MTIF2: variants seen among roughly 807,000 people sequenced by gnomAD.
The protein encoded by MTIF2 is translation initiation factor IF-2, mitochondrial.
MTIF2 carries 71 observed loss-of-function variants against 83.5 expected under a neutral mutation model. The observed-to-expected ratio is 0.85, with a 90% CI of 0.70 to 1.04. MTIF2 has a LOEUF of 1.04. Ranked by LOEUF, MTIF2 falls within the 50% of genes least tolerant of loss-of-function variation. The pLI, the probability that MTIF2 is intolerant of heterozygous loss-of-function variation, is 0.00. For missense variants in MTIF2, 957 were observed against 846.5 expected (o/e 1.13, Z -1.62); for synonymous variants, 319 against 287.1 (o/e 1.11, Z -1.12).
intron 7 of MTIF2, among the ~76,000 whole-genome samples, chr2:55,253,503 ACCCCGTCTC>A (rs1677261227): frequency 6.6e-6 from 1 of 151,794 alleles, no homozygotes; most frequent in Non-Finnish European, 1.5e-5. Flanking sequence ...ACATGGCAAA[ACCCCGTCTC>A]TACTAAAAAT....
chr2:55,247,161 CA>C (rs1676758927), intron 9 of MTIF2, among the ~76,000 whole-genome samples: 1 of 152,180 alleles, frequency 6.6e-6, no homozygotes, highest in Non-Finnish European at 1.5e-5. Flanking sequence ...TCCAAGATCA[CA>C]CAGCTGATTA....
At chr2:55,268,240 G>A (rs1443260299) in intron 2 of MTIF2, among the ~76,000 whole-genome samples, 5 of 151,322 alleles carry the variant, frequency 3.3e-5, no homozygotes, top group Admixed American at 3.3e-4. Flanking sequence ...GCGACAGTGA[G>A]ACTCTGTCTA....
chr2:55,259,469 G>T, intron 5 of MTIF2, among the ~76,000 whole-genome samples: 1 of 147,436 alleles, frequency 6.8e-6, no homozygotes, highest in Non-Finnish European at 1.5e-5. Flanking sequence ...ATGGTTATGG[G>T]TTCCTCTATG....
At chr2:55,266,850 C>G (rs1678474414) in intron 3 of MTIF2, among the ~76,000 whole-genome samples, 1 of 150,026 alleles carries the variant, frequency 6.7e-6, no homozygotes, top group African/African-American at 2.5e-5. Context: ...CCACTGCAAC[C>G]TCTGCCTCCT....
intron 3 of MTIF2, 79 bp from the exon 4 acceptor site, chr2:55,263,944 G>A: frequency 9.5e-7 from 1 of 1,054,264 alleles, no homozygotes; most frequent in African/African-American, 1.6e-5. Flanking sequence ...TATATGCATA[G>A]CACTGGACTA....
chr2:55,261,127 C>CA (rs1677947491), intron 5 of MTIF2, among the ~76,000 whole-genome samples: 1 of 151,570 alleles, frequency 6.6e-6, no homozygotes, highest in South Asian at 2.1e-4. Context: ...GCTGGGACTA[C>CA]AGGCGCCCGC....
At chr2:55,255,874 A>T (rs1327193159) in intron 5 of MTIF2, among the ~76,000 whole-genome samples, 2 of 151,230 alleles carry the variant, frequency 1.3e-5, no homozygotes, top group Non-Finnish European at 3.0e-5. Flanking sequence ...CTGAGTACTG[A>T]TTTTTTTCTC....
In MTIF2 at chr2:55,244,026, C is replaced by G; in HGVS notation, c.1311+3G>C. On this transcript the variant is annotated splice_donor_region_variant and intron_variant, in intron 11 of 15. Coordinates refer to ENST00000263629, the MANE Select transcript of MTIF2 (RefSeq NM_002453.3). Reference sequence around the variant, plus strand: ...TAATATATAGGAATTAAGCTTGATACACCTCAGATTCTACTTCAAGAATTT... The same window carrying G: ...TAATATATAGGAATTAAGCTTGATAGACCTCAGATTCTACTTCAAGAATTT... The G allele has an allele frequency of 6.2e-7, 1 of 1,610,944 alleles. No individual in the cohort carries two copies. The highest frequency in any genetic ancestry group is 8.5e-7 in the Non-Finnish European group (1 of 1,177,762).
intron 1 of MTIF2, 109 bp downstream of exon 1, chr2:55,269,060 A>G (rs1678646197): frequency 6.6e-6 from 1 of 152,260 alleles, no homozygotes; most frequent in African/African-American, 2.4e-5. Context: ...CGAACGCACA[A>G]TGTTTATGAA....
chr2:55,252,157 T>C (rs1025888438), intron 8 of MTIF2, among the ~76,000 whole-genome samples: 2 of 152,188 alleles, frequency 1.3e-5, no homozygotes, highest in African/African-American at 2.4e-5. Context: ...ATTTATGTGA[T>C]GGATAGATCG....
At chr2:55,246,562 T>C (rs542293491) in intron 9 of MTIF2, 101 bp from the exon 10 acceptor site, 3 of 956,938 alleles carry the variant, frequency 3.1e-6, no homozygotes, top group Non-Finnish European at 4.7e-6. Flanking sequence ...AGTTATATTA[T>C]ACTTTTCTCT....
In MTIF2 at chr2:55,249,387, G is replaced by A. The variant is rs377620597; in HGVS notation, c.981+8C>T. 1.5e-5 allele frequency: 25 copies of A among 1,613,132 alleles called. No homozygotes were observed. Among genetic ancestry groups the A allele is most frequent in the Admixed American group, 6.7e-5 (4 of 59,884 alleles). On this transcript the variant is annotated splice_region_variant and intron_variant, in intron 9 of 15. Coordinates refer to ENST00000263629, the MANE Select transcript of MTIF2 (RefSeq NM_002453.3). The stretch of plus-strand genomic sequence containing the variant: ...CCAGGCATATTTATATGAGGTCCCC[G>A]CATTTACCGTAAGTGCGGAGACAGG...
chr2:55,239,173 A>C (rs1676114102), intron 14 of MTIF2, among the ~76,000 whole-genome samples: 2 of 152,238 alleles, frequency 1.3e-5, no homozygotes, highest in South Asian at 4.1e-4. Flanking sequence ...ACAACGGACA[A>C]AATGTGAATA....
intron 3 of MTIF2, among the ~76,000 whole-genome samples, chr2:55,265,049 C>A (rs578035475): frequency 4.1e-4 from 62 of 151,972 alleles, no homozygotes; most frequent in African/African-American, 1.4e-3. Flanking sequence ...TCGAGACTAG[C>A]CTGGCCAACG....
intron 10 of MTIF2, among the ~76,000 whole-genome samples, chr2:55,245,230 C>T (rs529016683): frequency 6.6e-6 from 1 of 151,610 alleles, no homozygotes; most frequent in South Asian, 2.1e-4. Context: ...AAAATTGAAA[C>T]ACAAAACAGT....
At chr2:55,261,841 G>C (rs1678018585) in intron 5 of MTIF2, among the ~76,000 whole-genome samples, 1 of 151,118 alleles carries the variant, frequency 6.6e-6, no homozygotes, top group South Asian at 2.1e-4. Context: ...AGGAGGCTGA[G>C]GCTGAACGAT....
In MTIF2 at chr2:55,246,433, G is replaced by T. The variant is rs1372077950; in HGVS notation, c.1010C>A (p.Ala337Glu). ...TGDNLMALAE[A>E]TVALAEMLEL... ...TAACATTTCTGCAAGAGCAACTGTT[G>T]CTTCTGCCAAAGCCATCAGATTATC... Residue 337 changes from alanine (A) to glutamate (E), a missense_variant, in exon 10 of 16, where the codon GCA (alanine) becomes GAA (glutamate). Transcript: ENST00000263629. The T allele has an allele frequency of 6.2e-7, 1 of 1,613,604 alleles. No homozygotes were observed.
intron 13 of MTIF2, among the ~76,000 whole-genome samples, chr2:55,241,157 C>T (rs2104297687): frequency 6.6e-6 from 1 of 151,012 alleles, no homozygotes; most frequent in East Asian, 2.0e-4. Flanking sequence ...GTGGCTCACG[C>T]CTGTAATCCC....
Position 55,254,676 on chromosome 2 carries a change from T to G in MTIF2, c.481A>C (p.Lys161Gln). The change falls in exon 6 of 16, where the codon AAA becomes CAA. Residue 161 changes from lysine (K) to glutamine (Q), a missense_variant. Around this residue, in one of 3 missense-constraint regions of MTIF2, gnomAD observed 733 missense variants for 648.7 expected, o/e 1.13. Transcript: ENST00000263629. ...TACCTTCTTACAGCATCTTTATTTT[T>G]TCTGACTTTGTCCTGTTTTAATTTA... is the stretch of plus-strand genomic sequence containing the variant. ...WSKLKQDKVR[K>Q]NKDAVRRPQA... 6.2e-7 allele frequency: 1 copy of G among 1,605,872 alleles called. No homozygotes were observed.
Sources: allele counts gnomAD v4.1 joint callset (sites outside exome capture counted in the v4.1 genomes callset), GRCh38; gene constraint gnomAD v4.1.1; regional missense constraint gnomAD v4.1.1; transcripts MANE v1.5; gene names NCBI Gene and HGNC (gene_info 2026-07-23, HGNC 2026-07-21).